The following ADCY9 variants were observed in gnomAD, a reference collection of about 807,000 sequenced individuals.
The protein encoded by ADCY9 is adenylate cyclase type 9.
A neutral mutation model predicts 101.5 loss-of-function variants in ADCY9; 50 were observed. The observed-to-expected ratio is 0.49, with a 90% CI of 0.39 to 0.62. The LOEUF (loss-of-function observed/expected upper bound fraction) is 0.62. Ranked by LOEUF, ADCY9 falls within the 20% of genes least tolerant of loss-of-function variation. The pLI is 0.00. For synonymous variants in ADCY9, 905 were observed against 769.3 expected (o/e 1.18, Z -2.92); for missense variants, 1,662 against 1,800.4 (o/e 0.92, Z 1.39).
rs2057142211 is a variant in ADCY9, at chr16:4,115,239, GCCCACTCGCCGGGGGACGCCC to G, written c.183_203del (p.Val63_Gly69del). The G allele has an allele frequency of 1.9e-6, 3 of 1,613,186 alleles. No homozygotes were observed. The highest frequency in any genetic ancestry group is 2.5e-6 in the Non-Finnish European group (3 of 1,179,552). On this transcript the variant is annotated inframe_deletion, in exon 2 of 11. Transcript: ENST00000294016. The surrounding 1 kb of genome is among the most constrained non-coding windows in gnomAD (Gnocchi z 6.2). ...TCTGCCTGCGCAGCCGGCCTCCGCC[GCCCACTCGCCGGGGGACGCCC>G]CCGGAGTCCCCAGAGCTGCTGCAGC...
chr16:4,022,509 A>AAG lies in ADCY9; in HGVS notation c.1694-14952_1694-14951insCT, dbSNP rs1213659060. 2.0e-5 allele frequency among the ~76,000 whole-genome samples: 3 copies of AAG among 151,712 alleles called. No homozygotes were observed. In the East Asian group the frequency reaches 5.8e-4, roughly 29 times the overall value. ...CCGTCTCAAAAAAAAAAAAAAAAAA[A>AAG]AAAAAGACTAAGACTATGCCACAAT... On this transcript the variant is annotated intron_variant, in intron 2 of 10. Transcript: ENST00000294016.
At chr16:4,015,040 C>T (rs971617346) in intron 2 of ADCY9, among the ~76,000 whole-genome samples, 4 of 145,780 alleles carry the variant, frequency 2.7e-5, no homozygotes, top group East Asian at 4.2e-4. Context: ...CCCGGGTTCA[C>T]GCCATTCTCC....
chr16:4,055,492 C>G (rs540756284), intron 2 of ADCY9, among the ~76,000 whole-genome samples: 1 of 151,580 alleles, frequency 6.6e-6, no homozygotes, highest in East Asian at 1.9e-4. Flanking sequence ...CAAGATCAGG[C>G]CATTGTACTC....
intron 3 of ADCY9, among the ~76,000 whole-genome samples, chr16:3,994,268 C>T (rs556678535): frequency 5.9e-5 from 9 of 152,280 alleles, no homozygotes; most frequent in African/African-American, 1.7e-4. Context: ...GGACCTTGAT[C>T]TCGGACTTCC....
chr16:3,984,817 G>A (rs1450963668), intron 6 of ADCY9, among the ~76,000 whole-genome samples: 1 of 152,220 alleles, frequency 6.6e-6, no homozygotes, highest in Non-Finnish European at 1.5e-5. Context: ...AGGAGCTGGA[G>A]ACGCACGGAG....
At chr16:3,967,075 C>G in intron 10 of ADCY9, 109 bp from the exon 11 acceptor site, 1 of 866,010 alleles carries the variant, frequency 1.2e-6, no homozygotes, top group Non-Finnish European at 1.8e-6. Flanking sequence ...CTTCAACAAC[C>G]TGAAGCTGTC....
chr16:4,048,927 C>A (rs1233625661), intron 2 of ADCY9, among the ~76,000 whole-genome samples: 1 of 152,160 alleles, frequency 6.6e-6, no homozygotes, highest in Non-Finnish European at 1.5e-5. Flanking sequence ...CTCCAGCTCA[C>A]AACTCAAAAC....
At chr16:4,006,750 T>C (rs1049077632) in intron 3 of ADCY9, among the ~76,000 whole-genome samples, 2 of 152,158 alleles carry the variant, frequency 1.3e-5, no homozygotes, top group African/African-American at 2.4e-5. Context: ...ACTGAAATGA[T>C]TTCACACACC....
intron 2 of ADCY9, among the ~76,000 whole-genome samples, chr16:4,016,145 C>A (rs1041353851): frequency 6.6e-6 from 1 of 152,176 alleles, no homozygotes; most frequent in African/African-American, 2.4e-5. Context: ...GAGTGACGAT[C>A]TGGACCCACA....
intron 2 of ADCY9, among the ~76,000 whole-genome samples, chr16:4,022,813 T>C (rs1360830684): frequency 1.3e-5 from 2 of 152,144 alleles, no homozygotes; most frequent in Non-Finnish European, 1.5e-5. Flanking sequence ...AATTAATAAA[T>C]AAAAATTAAA....
At chr16:4,023,878 C>G (rs2056495406) in intron 2 of ADCY9, among the ~76,000 whole-genome samples, 2 of 152,012 alleles carry the variant, frequency 1.3e-5, no homozygotes. Context: ...CCACTGCACT[C>G]CAGCCTGGGG....
intron 2 of ADCY9, among the ~76,000 whole-genome samples, chr16:4,013,761 T>C (rs549260712): frequency 2.0e-5 from 3 of 152,334 alleles, no homozygotes; most frequent in African/African-American, 2.4e-5. Context: ...ATCTACCAAA[T>C]AGCCAAAGCC....
chr16:4,016,983 G>A (rs12446889), intron 2 of ADCY9, among the ~76,000 whole-genome samples: 20 of 152,238 alleles, frequency 1.3e-4, no homozygotes, highest in African/African-American at 4.1e-4. Flanking sequence ...TGAATTATAC[G>A]TCAATAAAGC....
chr16:3,975,470 C>T (rs1440510229), intron 9 of ADCY9, among the ~76,000 whole-genome samples: 2 of 152,068 alleles, frequency 1.3e-5, no homozygotes, highest in African/African-American at 4.8e-5. Context: ...TTGCTAATAA[C>T]CAAAGACACC....
intron 10 of ADCY9, among the ~76,000 whole-genome samples, chr16:3,972,867 G>A (rs974154881): frequency 2.0e-5 from 3 of 152,040 alleles, no homozygotes; most frequent in Non-Finnish European, 2.9e-5. Context: ...GTTCTCTGGT[G>A]AAAATGCACT....
At position 3,992,347 on chromosome 16, in the gene ADCY9, T is replaced by C. The variant is rs2056251593; in HGVS notation, c.2006A>G (p.Asn669Ser). 4.3e-6 allele frequency: 7 copies of C among 1,613,884 alleles called. No homozygotes were observed. The highest frequency in any genetic ancestry group is 5.9e-6 in the Non-Finnish European group (7 of 1,179,952). Residue 669 changes from asparagine to serine, a missense_variant, in exon 5 of 11, where the codon AAT becomes AGT. This residue lies in a region of ADCY9 where 624 missense variants were observed against 639.1 expected (regional missense o/e 0.98). Transcript: ENST00000294016. This position sits in a 1 kb window ranked among gnomAD's most constrained non-coding sequence, Gnocchi z 4.2. Reference protein sequence around the residue: ...KNSTKASGGPNPKTQNGLLSP... With the variant: ...KNSTKASGGPSPKTQNGLLSP... ...GAGGAGCCCGTTCTGAGTTTTGGGA[T>C]TAGGTCCTCCAGAAGCCTGCCTCGA...
At position 4,078,109 on chromosome 16, in the gene ADCY9, A is replaced by G. The variant is rs146373352; in HGVS notation, c.1693+35641T>C. ...TCTTATAAAGTTAAACACACTCATCATACAACCCAGTCACTCCACTCCTAT... is the reference window on the plus strand; with the variant it reads ...TCTTATAAAGTTAAACACACTCATCGTACAACCCAGTCACTCCACTCCTAT... On this transcript the variant is annotated intron_variant, in intron 2 of 10. Transcript: ENST00000294016. 2.8e-4 allele frequency among the ~76,000 whole-genome samples: 43 copies of G among 152,332 alleles called. 1 individual carries two copies. Among genetic ancestry groups the G allele is most frequent in the African/African-American group, 1.0e-3 (42 of 41,586 alleles).
chr16:4,074,061 T>G (rs2056851187), intron 2 of ADCY9, among the ~76,000 whole-genome samples: 1 of 152,136 alleles, frequency 6.6e-6, no homozygotes, highest in Non-Finnish European at 1.5e-5. Flanking sequence ...TATTGTATAG[T>G]CTAGATATAA....
At chr16:4,093,893 G>T (rs2056987705) in intron 2 of ADCY9, among the ~76,000 whole-genome samples, 1 of 152,220 alleles carries the variant, frequency 6.6e-6, no homozygotes, top group African/African-American at 2.4e-5. Flanking sequence ...TGCAACAGAA[G>T]CCTTAGTGCG....
Sources: gnomAD v4.1 joint callset for allele counts (sites outside exome capture counted in the v4.1 genomes callset) on GRCh38, gnomAD v4.1.1 for gene constraint, gnomAD v4.1.1 regional missense constraint, Gnocchi (gnomAD v3.1) non-coding constraint, MANE v1.5 for transcripts, NCBI Gene and HGNC (gene_info 2026-07-23, HGNC 2026-07-21) for gene names.